Variants in BAZ2B observed in about 807,000 individuals in gnomAD.
BAZ2B encodes bromodomain adjacent to zinc finger domain protein 2B.
BAZ2B carries 91 observed loss-of-function variants against 246.0 expected under a neutral mutation model. The ratio of observed to expected loss-of-function variants is 0.37; its 90% CI spans 0.31 to 0.44. BAZ2B has a LOEUF of 0.44. Among genes scored for constraint, BAZ2B ranks in the 20% least tolerant of loss-of-function variants. The pLI is 1.00. For synonymous variants in BAZ2B, 855 were observed against 860.0 expected (o/e 0.99, Z 0.10); for missense variants, 2,332 against 2,533.7 (o/e 0.92, Z 1.71).
rs115308372 is a variant in BAZ2B, at chr2:159,340,858, G to A, written c.5455-3086C>T. ...GAAAGCTAATACACAAAGGAGAAAG[G>A]AAATTATTACACACATAATTTTAAA... On this transcript the variant is annotated intron_variant, in intron 31 of 36. Coordinates refer to ENST00000392783, the MANE Select transcript of BAZ2B (RefSeq NM_013450.4). Among the ~76,000 whole-genome samples the A allele has an allele frequency of 5.9e-3, 896 of 152,006 alleles. 9 individuals carry two copies. Among genetic ancestry groups the A allele is most frequent in the African/African-American group, 0.02 (835 of 41,482 alleles).
At chr2:159,491,959 A>G (rs2080556927) in intron 2 of BAZ2B, among the ~76,000 whole-genome samples, 1 of 152,074 alleles carries the variant, frequency 6.6e-6, no homozygotes, top group South Asian at 2.1e-4. Context: ...CATCTAATTC[A>G]TTCCTCTTTC....
At chr2:159,374,884 T>C in intron 25 of BAZ2B, 131 bp from the exon 26 acceptor site, 1 of 727,724 alleles carries the variant, frequency 1.4e-6, no homozygotes, top group Non-Finnish European at 2.3e-6. Flanking sequence ...TATAAACTAA[T>C]AATCTGGTAG....
the BAZ2B span, among the ~76,000 whole-genome samples, chr2:159,658,983 T>A: frequency 3.3e-5 from 5 of 152,200 alleles, no homozygotes; most frequent in Non-Finnish European, 5.9e-5. Context: ...CCTATACTCA[T>A]GAGAGATTTT....
At position 159,522,246 on chromosome 2, in the gene BAZ2B, T is replaced by G. The variant is rs552964760; in HGVS notation, c.-3+33577A>C. On this transcript the variant is annotated intron_variant, in intron 2 of 36. Transcript: ENST00000392783. ...TGATGTATCTTAAAGAAAAAATAAG[T>G]ATTAATGTACCCCCAGAATCAATTT... 2.0e-5 allele frequency among the ~76,000 whole-genome samples: 3 copies of G among 152,200 alleles called. No individual in the cohort carries two copies. The East Asian group carries it at 5.8e-4, about 29-fold the overall frequency.
chr2:159,599,999 G>T (rs1463263837), intron 1 of BAZ2B, among the ~76,000 whole-genome samples: 1 of 151,852 alleles, frequency 6.6e-6, no homozygotes, highest in Non-Finnish European at 1.5e-5. Context: ...ATAATTGGGG[G>T]TACTATAGTA....
rs563721353 is a variant in BAZ2B, at chr2:159,474,697, G to A, written c.145+3878C>T. Reference sequence around the variant, plus strand: ...TGTGTTTTTGCAGTGGCTGGTACTGGTTATTCTTTTCCATGTATAGTGCTT... The same window carrying A: ...TGTGTTTTTGCAGTGGCTGGTACTGATTATTCTTTTCCATGTATAGTGCTT... On this transcript the variant is annotated intron_variant, in intron 3 of 36. Transcript: ENST00000392783. Among the ~76,000 whole-genome samples, 3 of 152,272 alleles carry A rather than the reference G, an allele frequency of 2.0e-5. No homozygotes were observed. The South Asian group carries it at 6.2e-4, about 32-fold the overall frequency.
At chr2:159,711,346 T>C in the BAZ2B span, among the ~76,000 whole-genome samples, 1 of 152,244 alleles carries the variant, frequency 6.6e-6, no homozygotes, top group African/African-American at 2.4e-5. Context: ...CAACTTAAAA[T>C]ACCTTTAAGT....
At chr2:159,699,883 C>CT in the BAZ2B span, among the ~76,000 whole-genome samples, 1 of 152,194 alleles carries the variant, frequency 6.6e-6, no homozygotes, top group Admixed American at 6.5e-5. Flanking sequence ...GCCAGCTGGA[C>CT]TGGTATCTGG....
chr2:159,489,008 C>T (rs1425549194), intron 2 of BAZ2B, among the ~76,000 whole-genome samples: 1 of 152,194 alleles, frequency 6.6e-6, no homozygotes, highest in African/African-American at 2.4e-5. Context: ...ATCAGTGTTA[C>T]TGGCCTATTC....
At chr2:159,366,687 A>G (rs917168098) in intron 27 of BAZ2B, among the ~76,000 whole-genome samples, 1 of 152,226 alleles carries the variant, frequency 6.6e-6, no homozygotes, top group Non-Finnish European at 1.5e-5. Context: ...CCTTGACATG[A>G]GTAATATTAG....
intron 10 of BAZ2B, among the ~76,000 whole-genome samples, chr2:159,430,249 TCCTCAG>T (rs1344935726): frequency 1.3e-5 from 2 of 152,164 alleles, no homozygotes; most frequent in Non-Finnish European, 2.9e-5. Context: ...ATCCTTCTCC[TCCTCAG>T]CCTGTTCAAC....
At chr2:159,692,674 G>A in the BAZ2B span, among the ~76,000 whole-genome samples, 1 of 151,982 alleles carries the variant, frequency 6.6e-6, no homozygotes, top group Non-Finnish European at 1.5e-5. Flanking sequence ...AACATAGTGA[G>A]GCCTGTCTCT....
chr2:159,386,315 T>C (rs777467481), intron 22 of BAZ2B, 38 bp downstream of exon 22: 24 of 1,547,306 alleles, frequency 1.6e-5, no homozygotes, highest in South Asian at 7.2e-5. Flanking sequence ...GCACTGACAG[T>C]ACAAATTTAA....
chr2:159,448,291 TGAA>T lies in BAZ2B; in HGVS notation c.450_452del (p.Ser151del). The T allele has an allele frequency of 6.2e-7, 1 of 1,612,806 alleles. No individual in the cohort carries two copies. ...TTTTTCCCGAAGTCCTTGAATGGAA[TGAA>T]GAAGAATCATGATTCTGGGCTGGGG... On this transcript the variant is annotated inframe_deletion, in exon 5 of 37. Coordinates refer to ENST00000392783, the MANE Select transcript of BAZ2B (RefSeq NM_013450.4).
intron 1 of BAZ2B, among the ~76,000 whole-genome samples, chr2:159,599,985 A>G (rs1691753473): frequency 6.6e-6 from 1 of 151,458 alleles, no homozygotes; most frequent in Admixed American, 6.6e-5. Context: ...AAGAAATCTG[A>G]GGGATAATTG....
chr2:159,558,674 C>T (rs1021355856), intron 1 of BAZ2B, among the ~76,000 whole-genome samples: 5 of 152,142 alleles, frequency 3.3e-5, no homozygotes, highest in Non-Finnish European at 7.3e-5. Context: ...AAAAACAGAA[C>T]AGCCAGCATA....
chr2:159,592,428 G>A (rs771871098), intron 1 of BAZ2B, among the ~76,000 whole-genome samples: 45 of 152,234 alleles, frequency 3.0e-4, no homozygotes, highest in Non-Finnish European at 4.6e-4. Flanking sequence ...GATTACAGGC[G>A]TGAGCCACTG....
intron 2 of BAZ2B, among the ~76,000 whole-genome samples, chr2:159,488,882 C>T (rs2080138385): frequency 6.6e-6 from 1 of 152,090 alleles, no homozygotes; most frequent in South Asian, 2.1e-4. Flanking sequence ...GAATTAGTCA[C>T]AAACTCTGGA....
intron 3 of BAZ2B, among the ~76,000 whole-genome samples, chr2:159,454,719 T>C (rs2075527045): frequency 6.9e-6 from 1 of 144,612 alleles, no homozygotes; most frequent in African/African-American, 2.9e-5. Flanking sequence ...AATAAAACAA[T>C]GCACAAGACA....
Sources: allele counts gnomAD v4.1 joint callset (sites outside exome capture counted in the v4.1 genomes callset), GRCh38; gene constraint gnomAD v4.1.1; transcripts MANE v1.5; gene names NCBI Gene and HGNC (gene_info 2026-07-23, HGNC 2026-07-21).